PROSER3: variants seen among roughly 807,000 people sequenced by gnomAD.
PROSER3 encodes the protein proline and serine rich 3.
In PROSER3, 33 loss-of-function variants were observed where a neutral mutation model predicts 50.2. The ratio of observed to expected loss-of-function variants is 0.66; its 90% CI spans 0.50 to 0.88. The LOEUF is 0.88. Ranked by LOEUF, PROSER3 falls within the 40% of genes least tolerant of loss-of-function variation. The pLI is 0.00. For missense variants in PROSER3, 623 were observed against 612.7 expected (o/e 1.02, Z -0.18); for synonymous variants, 266 against 259.3 (o/e 1.03, Z -0.25).
intron 7 of PROSER3, among the ~76,000 whole-genome samples, chr19:35,765,790 C>T (rs991497987): frequency 2.6e-5 from 4 of 152,214 alleles, no homozygotes; most frequent in Admixed American, 6.5e-5. Context: ...CCACCGCCTT[C>T]GCTTCCCAAA....
chr19:35,759,320 C>G, intron 1 of PROSER3, 54 bp from the exon 2 acceptor site: 13 of 1,450,022 alleles, frequency 9.0e-6, no homozygotes, highest in Non-Finnish European at 1.1e-5. Context: ...ATGTCCCCCT[C>G]CCCAGGGCTG....
rs182004827 is a variant in PROSER3, at chr19:35,766,962, C to T, written c.957+7C>T. On this transcript the variant is annotated splice_region_variant and intron_variant, in intron 8 of 10. Transcript: ENST00000396908. ...CCCTGCCCTCCGCACGTTGGTGAGC[C>T]GAGGGAGGGAGGAGCCTGGGGGGAG... The T allele has an allele frequency of 7.5e-5, 116 of 1,543,162 alleles. No homozygotes were observed. The East Asian group carries it at 2.7e-3, about 36-fold the overall frequency.
chr19:35,759,996 G>A lies in PROSER3; in HGVS notation c.311+5G>A. 2 of 1,574,946 alleles carry A rather than the reference G, an allele frequency of 1.3e-6. No individual in the cohort carries two copies. Among genetic ancestry groups the A allele is most frequent in the African/African-American group, 1.4e-5 (1 of 73,952 alleles). On this transcript the variant is annotated splice_donor_5th_base_variant and intron_variant, in intron 3 of 10. Transcript: ENST00000396908. Reference sequence around the variant, plus strand: ...CGGGGACTCCGTGGTGGCCAAGTAAGTACCAGCAGCCCTGGGGGAAAAAGA... The same window carrying A: ...CGGGGACTCCGTGGTGGCCAAGTAAATACCAGCAGCCCTGGGGGAAAAAGA...
intron 8 of PROSER3, chr19:35,767,617 TG>T: frequency 1.4e-6 from 1 of 697,872 alleles, no homozygotes; most frequent in Non-Finnish European, 2.4e-6. Context: ...GCCAGGGACC[TG>T]GCCCTCAGCT....
In PROSER3 at chr19:35,766,737, C is replaced by G. The variant is rs1214507401; in HGVS notation, c.770-31C>G. The G allele has an allele frequency of 2.6e-6, 4 of 1,510,786 alleles. No individual in the cohort carries two copies. The East Asian group carries it at 9.9e-5, about 37-fold the overall frequency. 93.6% of individuals were successfully genotyped at this position (1,510,786 alleles called of 1,614,324 possible). ...GGTTGCTGATCTCCCTGGCCCCTGC[C>G]TCACCCTCTCCTCTCTACCTCCCCC... On this transcript the variant is annotated intron_variant, in intron 7 of 10. Transcript: ENST00000396908.
chr19:35,760,578 TG>T (rs2146563727), intron 3 of PROSER3, among the ~76,000 whole-genome samples: 1 of 152,308 alleles, frequency 6.6e-6, no homozygotes, highest in South Asian at 2.1e-4. Flanking sequence ...CTCTCCCTTC[TG>T]GGTTCAAGTG....
At chr19:35,768,321 C>T (rs1971241939) in intron 10 of PROSER3, 83 bp from the exon 11 acceptor site, 1 of 1,556,650 alleles carries the variant, frequency 6.4e-7, no homozygotes, top group Non-Finnish European at 8.7e-7. Flanking sequence ...CCTCCTCATC[C>T]CCTGTCCCAG....
chr19:35,765,408 C>T (rs931660657), intron 7 of PROSER3, among the ~76,000 whole-genome samples: 1 of 152,104 alleles, frequency 6.6e-6, no homozygotes, highest in African/African-American at 2.4e-5. Flanking sequence ...ACTAAAAATA[C>T]AAAAATTAGC....
Position 35,762,037 on chromosome 19 carries a change from C to T in PROSER3, c.330C>T (p.Arg110=), listed in dbSNP as rs1339394099. The T allele has an allele frequency of 4.4e-6, 7 of 1,608,868 alleles. No individual in the cohort carries two copies. The East Asian group carries it at 6.7e-5, about 15-fold the overall frequency. ...TTCACAGGTATATAAACAGGTTCCG[C>T]CAGGCTCAGCCCACCAGTCGAGAGG... The change falls in exon 4 of 11, where the codon CGC becomes CGT. Residue 110 remains arginine, a synonymous_variant. Coordinates refer to ENST00000396908, the Ensembl canonical transcript of PROSER3.
downstream of PROSER3, among the ~76,000 whole-genome samples, chr19:35,770,139 G>A (rs1436848278): frequency 6.6e-6 from 1 of 151,664 alleles, no homozygotes; most frequent in Admixed American, 6.6e-5. Flanking sequence ...TCATGACCTC[G>A]TGATCCTCCT....
At chr19:35,770,839 A>T (rs1276823427), downstream of PROSER3, 1 of 151,550 alleles carries the variant, frequency 6.6e-6, no homozygotes, top group Non-Finnish European at 1.5e-5. Flanking sequence ...AAAAAAGATA[A>T]TTTCTCTCTC....
intron 10 of PROSER3, 51 bp downstream of exon 10, chr19:35,768,287 C>G: frequency 6.3e-7 from 1 of 1,588,104 alleles, no homozygotes; most frequent in Non-Finnish European, 8.6e-7. Context: ...CCGGAGACCT[C>G]TGAGACCCGG....
At chr19:35,765,772 C>T (rs530800359) in intron 7 of PROSER3, among the ~76,000 whole-genome samples, 24 of 152,110 alleles carry the variant, frequency 1.6e-4, no homozygotes, top group African/African-American at 4.6e-4. Context: ...TGGGCTCAAG[C>T]GATCCCCCCA....
intron 5 of PROSER3, 83 bp from the exon 6 acceptor site, chr19:35,764,771 C>G: frequency 7.8e-7 from 1 of 1,280,346 alleles, no homozygotes; most frequent in Non-Finnish European, 1.1e-6. Flanking sequence ...GGCAGTACAA[C>G]CTGCATTCCA....
intron 8 of PROSER3, chr19:35,767,768 A>G: frequency 1.3e-6 from 2 of 1,582,114 alleles, no homozygotes; most frequent in Non-Finnish European, 1.7e-6. Flanking sequence ...AACCAAGGTC[A>G]CTCCCCCTCC....
exon 9 of PROSER3, chr19:35,768,046 G>T: frequency 6.3e-7 from 1 of 1,580,678 alleles, no homozygotes; most frequent in South Asian, 1.1e-5. Flanking sequence ...AGGCCGCCCT[G>T]CTGCTGCAGG....
downstream of PROSER3, chr19:35,771,137 TAAGTA>T (rs1320808451): frequency 1.3e-5 from 2 of 151,766 alleles, no homozygotes; most frequent in African/African-American, 2.4e-5. Context: ...CAAAAATAAA[TAAGTA>T]AATAAATAGC....
exon 6 of PROSER3, chr19:35,764,926 C>T (rs1168076443): frequency 6.2e-7 from 1 of 1,613,596 alleles, no homozygotes; most frequent in Non-Finnish European, 8.5e-7. Context: ...TGCCAGGCTG[C>T]TCAAACGCAG....
Position 35,766,967 on chromosome 19 carries a change from G to T in PROSER3, c.957+12G>T, listed in dbSNP as rs1253031899. The T allele has an allele frequency of 6.5e-7, 1 of 1,541,994 alleles. No individual in the cohort carries two copies. Among genetic ancestry groups the T allele is most frequent in the Admixed American group, 2.0e-5 (1 of 50,890 alleles). ...CCCTCCGCACGTTGGTGAGCCGAGG[G>T]AGGGAGGAGCCTGGGGGGAGCTGGA... On this transcript the variant is annotated intron_variant, in intron 8 of 10. Transcript: ENST00000396908.
Sources: gnomAD v4.1 joint callset for allele counts (sites outside exome capture counted in the v4.1 genomes callset) on GRCh38, gnomAD v4.1.1 for gene constraint, MANE v1.5 for transcripts, NCBI Gene and HGNC (gene_info 2026-07-23, HGNC 2026-07-21) for gene names.